Variants in SGK3 observed in about 807,000 individuals in gnomAD.
SGK3 encodes the protein serine/threonine-protein kinase Sgk3.
SGK3 carries 47 observed loss-of-function variants against 68.5 expected under a neutral mutation model. That is an observed-to-expected ratio of 0.69 (90% CI 0.54 to 0.87). The LOEUF (loss-of-function observed/expected upper bound fraction) is 0.87, where lower values mean the gene tolerates loss of function less well. Ranked by LOEUF, SGK3 falls within the 40% of genes least tolerant of loss-of-function variation. The pLI is 0.00. For missense variants in SGK3, 479 were observed against 575.5 expected (o/e 0.83, Z 1.72); for synonymous variants, 181 against 189.1 (o/e 0.96, Z 0.35).
At chr8:66,813,179 A>G (rs2130641567) in intron 4 of SGK3, among the ~76,000 whole-genome samples, 1 of 152,294 alleles carries the variant, frequency 6.6e-6, no homozygotes, top group Admixed American at 6.5e-5. Flanking sequence ...GCTTGAGCCC[A>G]GGATGCAGCG....
At chr8:66,812,453 A>T (rs1563640835) in intron 4 of SGK3, among the ~76,000 whole-genome samples, 1 of 151,950 alleles carries the variant, frequency 6.6e-6, no homozygotes, top group Non-Finnish European at 1.5e-5. Context: ...GCTACTCGGG[A>T]GGCTGAGGCA....
chr8:66,834,464 G>GGTTTTGTTTTGTTTT (rs147634357), intron 8 of SGK3, among the ~76,000 whole-genome samples: 17 of 151,310 alleles, frequency 1.1e-4, no homozygotes, highest in African/African-American at 3.4e-4. Flanking sequence ...CTACTGGCAG[G>GGTTTTGTTTTGTTTT]GTTTTGTTTT....
At chr8:66,841,526 CTT>C (rs775410802) in intron 13 of SGK3, among the ~76,000 whole-genome samples, 115 of 152,096 alleles carry the variant, frequency 7.6e-4, no homozygotes, top group Non-Finnish European at 1.5e-3. Context: ...GAATCACACA[CTT>C]TAAATGGGTG....
At chr8:66,808,973 G>A (rs1293363698) in intron 4 of SGK3, among the ~76,000 whole-genome samples, 3 of 151,880 alleles carry the variant, frequency 2.0e-5, no homozygotes, top group Non-Finnish European at 4.4e-5. Context: ...CAGTTCAAGC[G>A]ATTCTCCTGT....
At chr8:66,731,535 T>G (rs1294916713) in intron 1 of SGK3, among the ~76,000 whole-genome samples, 2 of 152,086 alleles carry the variant, frequency 1.3e-5, no homozygotes, top group East Asian at 3.9e-4. Flanking sequence ...TTTATTTATT[T>G]TGTTTGTTTG....
At chr8:66,744,552 A>G (rs1443865593) in intron 1 of SGK3, among the ~76,000 whole-genome samples, 1 of 86,636 alleles carries the variant, frequency 1.2e-5, no homozygotes, top group African/African-American at 4.3e-5. Context: ...TTTTAGATGG[A>G]GTCTCACTCT....
chr8:66,782,902 C>T (rs1807049215), intron 1 of SGK3, among the ~76,000 whole-genome samples: 1 of 152,128 alleles, frequency 6.6e-6, no homozygotes, highest in Non-Finnish European at 1.5e-5. Flanking sequence ...TTGGTTGTTT[C>T]CAAGTTTTGG....
chr8:66,752,680 A>G (rs1331818048), intron 1 of SGK3, among the ~76,000 whole-genome samples: 1 of 152,048 alleles, frequency 6.6e-6, no homozygotes, highest in Admixed American at 6.6e-5. Context: ...TTTTCCAGAA[A>G]GAGAAGAGGA....
At chr8:66,780,934 A>G (rs1216601291) in intron 1 of SGK3, among the ~76,000 whole-genome samples, 3 of 152,192 alleles carry the variant, frequency 2.0e-5, no homozygotes, top group East Asian at 1.9e-4. Context: ...AAGAGACTCT[A>G]TGAGACATGA....
At chr8:66,833,003 AT>A (rs796444821) in intron 8 of SGK3, among the ~76,000 whole-genome samples, 107 of 143,664 alleles carry the variant, frequency 7.4e-4, no homozygotes, top group Admixed American at 9.7e-4. Flanking sequence ...TGTTTTTAGA[AT>A]TTTTTTTTTT....
intron 1 of SGK3, among the ~76,000 whole-genome samples, chr8:66,734,159 G>T (rs79234641): frequency 0.03 from 4,523 of 151,490 alleles, 233 homozygotes; most frequent in African/African-American, 0.1. Context: ...TTACTTTCTG[G>T]ATCTGTGTGA....
In SGK3 at chr8:66,739,991, G is replaced by A. The variant is rs187066127; in HGVS notation, c.-122+27158G>A. ...CTCCCACAACATGTGGGGATTATGG[G>A]AACTACAATTCAAGATGAGATTTGG... is the stretch of plus-strand genomic sequence containing the variant. On this transcript the variant is annotated intron_variant, in intron 1 of 16. Transcript: ENST00000521198. Among the ~76,000 whole-genome samples the A allele has an allele frequency of 6.1e-3, 936 of 152,288 alleles. 4 individuals carry two copies. Among genetic ancestry groups the A allele is most frequent in the Middle Eastern group, 0.02 (6 of 294 alleles).
At chr8:66,767,423 G>A (rs751071436) in intron 1 of SGK3, 1 of 1,335,266 alleles carries the variant, frequency 7.5e-7, no homozygotes, top group Non-Finnish European at 1.1e-6. Flanking sequence ...GAGCAAACAG[G>A]TGGCAATTCA....
At chr8:66,806,812 T>TCAGA (rs1808184957) in intron 4 of SGK3, among the ~76,000 whole-genome samples, 1 of 132,396 alleles carries the variant, frequency 7.6e-6, no homozygotes, top group African/African-American at 3.0e-5. Flanking sequence ...AGACTCTGTC[T>TCAGA]CGAAAAAAAA....
chr8:66,840,751 C>T (rs546182707), intron 12 of SGK3: 4 of 232,216 alleles, frequency 1.7e-5, no homozygotes, highest in East Asian at 8.9e-5. Flanking sequence ...TGAGGTGGCA[C>T]GCCTGGGCAA....
chr8:66,804,326 A>G (rs1585740946), intron 3 of SGK3, 49 bp from the exon 4 acceptor site: 2 of 1,518,006 alleles, frequency 1.3e-6, no homozygotes, highest in Non-Finnish European at 1.8e-6. Context: ...GTGCATAACT[A>G]GAAGACTTAT....
intron 1 of SGK3, among the ~76,000 whole-genome samples, chr8:66,781,977 A>G (rs147565997): frequency 9.7e-4 from 148 of 152,288 alleles, no homozygotes; most frequent in African/African-American, 3.4e-3. Flanking sequence ...TGTATCTTTC[A>G]TTGGCAGAGC....
At chr8:66,762,710 T>C (rs1806211222) in intron 1 of SGK3, among the ~76,000 whole-genome samples, 1 of 152,228 alleles carries the variant, frequency 6.6e-6, no homozygotes, top group Non-Finnish European at 1.5e-5. Context: ...GTAATTGATA[T>C]CTCATTTTAA....
At chr8:66,828,965 GGGGTGTGTGTGT>G (rs1809182684) in intron 7 of SGK3, among the ~76,000 whole-genome samples, 1 of 91,638 alleles carries the variant, frequency 1.1e-5, no homozygotes, top group Non-Finnish European at 2.0e-5. Context: ...GGGTGGGTGG[GGGGTGTGTGTGT>G]GTGTGTGTGT....
Sources: gnomAD v4.1 joint callset for allele counts (sites outside exome capture counted in the v4.1 genomes callset) on GRCh38, gnomAD v4.1.1 for gene constraint, MANE v1.5 for transcripts, NCBI Gene and HGNC (gene_info 2026-07-23, HGNC 2026-07-21) for gene names.